The following PITRM1 variants were observed in gnomAD, a reference collection of about 807,000 sequenced individuals.
PITRM1 encodes presequence protease, mitochondrial.
In PITRM1, 100 loss-of-function variants were observed where a neutral mutation model predicts 129.9. The ratio of observed to expected loss-of-function variants is 0.77; its 90% CI spans 0.65 to 0.91. The LOEUF (loss-of-function observed/expected upper bound fraction) is 0.91. Among genes scored for constraint, PITRM1 ranks in the 40% least tolerant of loss-of-function variants. The pLI is 0.00. For synonymous variants in PITRM1, 591 were observed against 508.8 expected (o/e 1.16, Z -2.17); for missense variants, 1,471 against 1,318.3 (o/e 1.12, Z -1.79).
chr10:3,161,501 A>G (rs1842437170), intron 7 of PITRM1, among the ~76,000 whole-genome samples: 1 of 152,202 alleles, frequency 6.6e-6, no homozygotes, highest in South Asian at 2.1e-4. Context: ...TAGAATTTAG[A>G]AACAAATTTT....
chr10:3,172,018 T>C (rs1269414484), intron 1 of PITRM1, among the ~76,000 whole-genome samples: 1 of 152,214 alleles, frequency 6.6e-6, no homozygotes, highest in Non-Finnish European at 1.5e-5. Flanking sequence ...ATAACCAACA[T>C]TTGCTTACTG....
chr10:3,141,017 C>A (rs1294079615), intron 23 of PITRM1, among the ~76,000 whole-genome samples: 3 of 152,180 alleles, frequency 2.0e-5, no homozygotes, highest in African/African-American at 7.2e-5. Context: ...TCACAGCTCA[C>A]TGCAGCTTTG....
intron 20 of PITRM1, chr10:3,146,815 T>A (rs1840923306): frequency 5.6e-6 from 1 of 177,546 alleles, no homozygotes; most frequent in East Asian, 1.7e-4. Context: ...CATCACATAA[T>A]TTTATAAGAA....
At chr10:3,152,158 C>T (rs760817428) in intron 14 of PITRM1, among the ~76,000 whole-genome samples, 2 of 152,200 alleles carry the variant, frequency 1.3e-5, no homozygotes, top group African/African-American at 4.8e-5. Flanking sequence ...CTGGGCCTGA[C>T]AGTGCATGCA....
intron 25 of PITRM1, 174 bp downstream of exon 25, chr10:3,138,730 C>A: frequency 1.3e-6 from 1 of 771,558 alleles, no homozygotes. Context: ...ATGCACTCTT[C>A]TCGCCCGGAT....
intron 14 of PITRM1, among the ~76,000 whole-genome samples, chr10:3,153,076 A>G (rs776837264): frequency 2.6e-5 from 4 of 152,214 alleles, no homozygotes; most frequent in Non-Finnish European, 4.4e-5. Context: ...ACAGAACCCT[A>G]ACACTGCCAT....
intron 23 of PITRM1, among the ~76,000 whole-genome samples, chr10:3,142,347 C>T (rs1033989997): frequency 4.6e-5 from 7 of 152,236 alleles, no homozygotes; most frequent in South Asian, 2.1e-4. Flanking sequence ...CTCGGAGGCC[C>T]GGCTCCTTCT....
At position 3,151,231 on chromosome 10, in the gene PITRM1, T is replaced by C. The variant is rs558707556; in HGVS notation, c.1738+16A>G. The C allele has an allele frequency of 1.2e-5, 17 of 1,382,508 alleles. No individual in the cohort carries two copies. The African/African-American group carries it at 1.6e-4, about 13-fold the overall frequency. The allele number at this position is 1,382,508 out of a possible 1,614,324, so 85.6% of individuals were successfully genotyped here. A position where few individuals can be genotyped will look rare whatever the true frequency, so the allele number is the denominator to read the frequency against. On this transcript the variant is annotated intron_variant, in intron 15 of 26. Coordinates refer to ENST00000224949, the MANE Select transcript of PITRM1 (RefSeq NM_014889.4). ...AGGAACCCGAGACCCGGGAAAAGCGTAGCGTTCACAGTGACCTGTCAGGAC... is the reference window on the plus strand; with the variant it reads ...AGGAACCCGAGACCCGGGAAAAGCGCAGCGTTCACAGTGACCTGTCAGGAC...
chr10:3,149,841 T>G (rs749618015), intron 15 of PITRM1, 88 bp from the exon 16 acceptor site: 24 of 1,401,752 alleles, frequency 1.7e-5, no homozygotes, highest in Non-Finnish European at 2.3e-5. Flanking sequence ...ATTTATTGTT[T>G]TTTCAAGAAT....
In PITRM1 at chr10:3,159,849, C is replaced by T. The variant is rs1038852072; in HGVS notation, c.1006G>A (p.Asp336Asn). Reference protein sequence around the residue: ...TTISVSFLLPDITDTFEAFTL... With the variant: ...TTISVSFLLPNITDTFEAFTL... ...TGAGCTTTGACAGCATATACTTACT[C>T]CGGTAAGAGGAAGCTAACGCTGATG... Residue 336 changes from aspartate (D) to asparagine (N), a missense_variant and splice_region_variant, in exon 9 of 27, where the codon GAC becomes AAC. Asp to Asn is a conservative substitution (Grantham distance 23). Coordinates refer to ENST00000224949, the MANE Select transcript of PITRM1 (RefSeq NM_014889.4). 1.3e-6 allele frequency: 2 copies of T among 1,576,252 alleles called. No homozygotes were observed. Among genetic ancestry groups the T allele is most frequent in the African/African-American group, 2.7e-5 (2 of 74,338 alleles).
At chr10:3,156,258 G>A (rs1841977422) in intron 13 of PITRM1, among the ~76,000 whole-genome samples, 1 of 152,106 alleles carries the variant, frequency 6.6e-6, no homozygotes, top group African/African-American at 2.4e-5. Context: ...TCCTTTCCTT[G>A]TTTCAACAAT....
At chr10:3,149,829 C>G (rs865885935) in intron 15 of PITRM1, 76 bp from the exon 16 acceptor site, 17 of 1,455,786 alleles carry the variant, frequency 1.2e-5, no homozygotes, top group Middle Eastern at 2.2e-4. Context: ...AAAAACAATG[C>G]TATTTATTGT....
intron 1 of PITRM1, among the ~76,000 whole-genome samples, chr10:3,171,336 A>ATT (rs945999739): frequency 1.2e-4 from 1 of 8,632 alleles, no homozygotes; most frequent in Non-Finnish European, 2.2e-4. Context: ...ATGGTAAAAT[A>ATT]TTAAAAAAAA....
At chr10:3,144,236 C>T (rs1021835688) in intron 22 of PITRM1, 56 bp downstream of exon 22, 6 of 947,966 alleles carry the variant, frequency 6.3e-6, no homozygotes, top group South Asian at 1.5e-5. Context: ...GTGGCAGACA[C>T]AGCCATGCAG....
intron 2 of PITRM1, among the ~76,000 whole-genome samples, chr10:3,167,288 CG>C (rs1564437066): frequency 7.0e-5 from 5 of 71,588 alleles, no homozygotes; most frequent in African/African-American, 2.9e-4. Context: ...AGAGAGAGAG[CG>C]AGCGAGCGAG....
chr10:3,149,829 C>T, intron 15 of PITRM1, 76 bp from the exon 16 acceptor site: 3 of 1,455,902 alleles, frequency 2.1e-6, no homozygotes, highest in East Asian at 2.3e-5. Context: ...AAAAACAATG[C>T]TATTTATTGT....
intron 2 of PITRM1, among the ~76,000 whole-genome samples, chr10:3,167,268 G>T (rs1287402702): frequency 3.2e-5 from 4 of 124,158 alleles, no homozygotes; most frequent in Admixed American, 7.8e-5. Context: ...GTGTGTGTGT[G>T]TATAGAAAGA....
intron 16 of PITRM1, 91 bp from the exon 17 acceptor site, chr10:3,148,382 C>T (rs1363316253): frequency 6.8e-7 from 1 of 1,473,712 alleles, no homozygotes; most frequent in Non-Finnish European, 9.1e-7. Flanking sequence ...AAGTTGCTTC[C>T]ATTAATTCAA....
In PITRM1 at chr10:3,172,735, A is replaced by T. The variant is rs1436995657; in HGVS notation, c.38T>A (p.Leu13Gln). The T allele has an allele frequency of 1.9e-6, 3 of 1,545,080 alleles. No individual in the cohort carries two copies. Among genetic ancestry groups the T allele is most frequent in the Non-Finnish European group, 2.6e-6 (3 of 1,145,288 alleles). ...GTCTCACCCGCCGCTCAGCCGCCTC[A>T]GCACACACAGGCCCTGCCGCCCGCC... ...RCGGRQGLCV[L>Q]RRLSGGHAHH... Residue 13 changes from leucine to glutamine, a missense_variant, in exon 1 of 27, where the codon CTG becomes CAG. By Grantham distance (113) the Leu-to-Gln change is moderately radical. Coordinates refer to ENST00000224949, the MANE Select transcript of PITRM1 (RefSeq NM_014889.4).
Sources: allele counts gnomAD v4.1 joint callset (sites outside exome capture counted in the v4.1 genomes callset), GRCh38; gene constraint gnomAD v4.1.1; transcripts MANE v1.5; gene names NCBI Gene and HGNC (gene_info 2026-07-23, HGNC 2026-07-21).